The following GRIK1 variants were observed in gnomAD, a reference collection of about 807,000 sequenced individuals.
GRIK1 encodes glutamate receptor ionotropic, kainate 1.
A neutral mutation model predicts 105.7 loss-of-function variants in GRIK1; 69 were observed. The observed-to-expected ratio is 0.65, with a 90% CI of 0.54 to 0.80. GRIK1 has a LOEUF of 0.80. GRIK1 is among the 30% of genes least tolerant of loss of function. The pLI is 0.00. For missense variants in GRIK1, 1,109 were observed against 1,167.3 expected (o/e 0.95, Z 0.73); for synonymous variants, 438 against 431.3 (o/e 1.02, Z -0.19).
chr21:29,601,298 C>G (rs1033108136), intron 7 of GRIK1: 1 of 469,454 alleles, frequency 2.1e-6, no homozygotes, highest in Non-Finnish European at 4.5e-6. Context: ...CGTTCTCAGG[C>G]CTTTAGACTC....
intron 1 of GRIK1, among the ~76,000 whole-genome samples, chr21:29,908,176 C>T (rs1032854476): frequency 5.9e-5 from 9 of 152,184 alleles, no homozygotes; most frequent in Middle Eastern, 3.4e-3. Context: ...AGAGGAAAAA[C>T]AGAAATTTTT....
chr21:29,778,117 G>A (rs1249322096), intron 1 of GRIK1, among the ~76,000 whole-genome samples: 1 of 152,162 alleles, frequency 6.6e-6, no homozygotes, highest in African/African-American at 2.4e-5. Context: ...ATAGAACCTA[G>A]CGTGCAGTTC....
chr21:29,556,937 T>C (rs1472711212), intron 15 of GRIK1, among the ~76,000 whole-genome samples: 1 of 152,166 alleles, frequency 6.6e-6, no homozygotes, highest in Non-Finnish European at 1.5e-5. Context: ...AACTTAAGAG[T>C]AGGTTTTGAA....
At chr21:29,625,883 C>A (rs1568904927) in intron 7 of GRIK1, among the ~76,000 whole-genome samples, 1 of 152,060 alleles carries the variant, frequency 6.6e-6, no homozygotes, top group Non-Finnish European at 1.5e-5. Context: ...GGTTGTACCC[C>A]TGAAGAGTGA....
chr21:29,571,082 T>C (rs902103412), intron 14 of GRIK1, among the ~76,000 whole-genome samples: 34 of 152,200 alleles, frequency 2.2e-4, no homozygotes, highest in African/African-American at 6.5e-4. Context: ...CTGGGCGCAG[T>C]GGCTCATGCC....
At chr21:29,909,293 C>A (rs78145939) in intron 1 of GRIK1, among the ~76,000 whole-genome samples, 1,999 of 151,962 alleles carry the variant, frequency 0.013, 51 homozygotes, top group African/African-American at 0.046. Context: ...TGCTTCATCT[C>A]ATTTTTCTTT....
intron 1 of GRIK1, among the ~76,000 whole-genome samples, chr21:29,751,284 T>C (rs530752606): frequency 5.3e-5 from 8 of 152,316 alleles, no homozygotes; most frequent in Admixed American, 2.6e-4. Context: ...TAATAAGATA[T>C]ATCAAATAAG....
chr21:29,543,571 G>A (rs777030057), intron 16 of GRIK1, among the ~76,000 whole-genome samples: 2 of 152,088 alleles, frequency 1.3e-5, no homozygotes, highest in South Asian at 2.1e-4. Context: ...CACAACCCAT[G>A]GGCCATCTTT....
intron 4 of GRIK1, among the ~76,000 whole-genome samples, chr21:29,668,256 T>A (rs967875603): frequency 6.6e-6 from 1 of 152,194 alleles, no homozygotes; most frequent in Admixed American, 6.5e-5. Context: ...CATGAGTAAA[T>A]GTCTTAATTC....
intron 4 of GRIK1, among the ~76,000 whole-genome samples, chr21:29,658,098 G>C (rs1297051352): frequency 6.6e-6 from 1 of 151,860 alleles, no homozygotes; most frequent in African/African-American, 2.4e-5. Flanking sequence ...ACCATCTCTG[G>C]CTTTACTTAA....
At chr21:29,724,401 G>T (rs961831809) in intron 1 of GRIK1, among the ~76,000 whole-genome samples, 1 of 152,136 alleles carries the variant, frequency 6.6e-6, no homozygotes, top group Non-Finnish European at 1.5e-5. Flanking sequence ...TTCATCCACT[G>T]AGGGCTGTTC....
At chr21:29,905,578 A>G (rs992363022) in intron 1 of GRIK1, among the ~76,000 whole-genome samples, 2 of 148,778 alleles carry the variant, frequency 1.3e-5, no homozygotes, top group Non-Finnish European at 3.0e-5. Flanking sequence ...CCCTAGTAGC[A>G]GGGATTACAA....
intron 16 of GRIK1, among the ~76,000 whole-genome samples, chr21:29,547,772 G>C (rs920487759): frequency 2.6e-5 from 4 of 152,160 alleles, no homozygotes; most frequent in African/African-American, 9.7e-5. Context: ...CTCTTTGCAC[G>C]ATTACAAAAA....
chr21:29,574,833 G>A (rs895641737), intron 14 of GRIK1, among the ~76,000 whole-genome samples: 2 of 151,170 alleles, frequency 1.3e-5, no homozygotes, highest in Non-Finnish European at 2.9e-5. Flanking sequence ...GACTACAGGC[G>A]CCCGCCATCA....
chr21:29,775,710 A>AT (rs201883023), intron 1 of GRIK1, among the ~76,000 whole-genome samples: 13 of 152,184 alleles, frequency 8.5e-5, no homozygotes, highest in African/African-American at 2.4e-4. Flanking sequence ...CTACTAAGTC[A>AT]TTTTTTTACC....
intron 1 of GRIK1, among the ~76,000 whole-genome samples, chr21:29,914,087 G>A (rs1406556388): frequency 6.6e-6 from 1 of 151,952 alleles, no homozygotes; most frequent in Non-Finnish European, 1.5e-5. Context: ...TTATTGTGGG[G>A]AGTTTTCCTG....
chr21:29,880,215 T>C (rs1182009850), intron 1 of GRIK1, among the ~76,000 whole-genome samples: 1 of 152,132 alleles, frequency 6.6e-6, no homozygotes, highest in Non-Finnish European at 1.5e-5. Context: ...CCTTAAGTAT[T>C]GACAGGAAAG....
At chr21:29,690,916 A>ATGT (rs2063572729) in intron 2 of GRIK1, among the ~76,000 whole-genome samples, 1 of 152,204 alleles carries the variant, frequency 6.6e-6, no homozygotes, top group Non-Finnish European at 1.5e-5. Context: ...TTTCTTTAAC[A>ATGT]CTATAGCATG....
rs182967990 is a variant in GRIK1, at chr21:29,794,471, T to A, written c.119-100408A>T. On this transcript the variant is annotated intron_variant, in intron 1 of 17. Coordinates refer to ENST00000327783, the MANE Select transcript of GRIK1 (RefSeq NM_001330994.2). ...TACTACTTGAGGAAGTTACTTTGGG[T>A]TTACAGTCAGCTATTATAGTTCTAT... Among the ~76,000 whole-genome samples the A allele has an allele frequency of 3.3e-5, 5 of 152,240 alleles. No homozygotes were observed. The East Asian group carries it at 7.7e-4, about 23-fold the overall frequency.
Sources: allele counts gnomAD v4.1 joint callset (sites outside exome capture counted in the v4.1 genomes callset), GRCh38; gene constraint gnomAD v4.1.1; transcripts MANE v1.5; gene names NCBI Gene and HGNC (gene_info 2026-07-23, HGNC 2026-07-21).